ACOXL: variants seen among roughly 807,000 people sequenced by gnomAD.
The protein encoded by ACOXL is acyl-coenzyme A oxidase-like protein.
In ACOXL, 70 loss-of-function variants were observed where a neutral mutation model predicts 71.9. The ratio of observed to expected loss-of-function variants is 0.97; its 90% CI spans 0.80 to 1.19. The LOEUF is 1.19. Ranked by LOEUF, ACOXL falls within the 50% of genes most tolerant of loss-of-function variation. The pLI is 0.00. For missense variants in ACOXL, 703 were observed against 736.3 expected (o/e 0.95, Z 0.52); for synonymous variants, 253 against 281.6 (o/e 0.90, Z 1.02).
chr2:110,770,010 C>T (rs1421370953), intron 2 of ACOXL, among the ~76,000 whole-genome samples: 1 of 152,072 alleles, frequency 6.6e-6, no homozygotes, highest in Non-Finnish European at 1.5e-5. Context: ...CCACCGCACT[C>T]CAGCCTGGGC....
chr2:110,909,262 T>C (rs1045200275), intron 11 of ACOXL, among the ~76,000 whole-genome samples: 4 of 152,128 alleles, frequency 2.6e-5, no homozygotes, highest in Admixed American at 2.0e-4. Context: ...AGGTTCTAAT[T>C]TACAGTAAAG....
intron 16 of ACOXL, among the ~76,000 whole-genome samples, chr2:111,084,272 C>CACAT (rs1241202573): frequency 1.7e-5 from 2 of 120,164 alleles, no homozygotes; most frequent in East Asian, 4.5e-4. Flanking sequence ...CACACACACA[C>CACAT]ACACACACAC....
chr2:110,828,736 T>C (rs1375294601), intron 9 of ACOXL, among the ~76,000 whole-genome samples: 1 of 152,126 alleles, frequency 6.6e-6, no homozygotes, highest in African/African-American at 2.4e-5. Context: ...CACATGGTTA[T>C]TCAGTGGTGG....
Position 110,768,448 on chromosome 2 carries a change from G to A in ACOXL, c.59G>A (p.Arg20His), listed in dbSNP as rs756172185. ...KFAMDLPLLK[R>H]AGQDLAEKTK... ...GCCATGGACCTGCCTCTGTTAAAAC[G>A]TGCAGGTCAGGATCTGGTAAGTGTC... Residue 20 changes from arginine to histidine, a missense_variant, in exon 2 of 18, where the codon CGT becomes CAT. Transcript: ENST00000439055. 5.6e-6 allele frequency: 9 copies of A among 1,613,238 alleles called. No homozygotes were observed. The highest frequency in any genetic ancestry group is 1.6e-4 in the Middle Eastern group (1 of 6,084).
intron 10 of ACOXL, among the ~76,000 whole-genome samples, chr2:110,878,447 A>G (rs1353538780): frequency 6.6e-6 from 1 of 152,216 alleles, no homozygotes. Context: ...GCTTTAATGT[A>G]TGTTGAATTG....
At chr2:110,877,694 A>G (rs1168248658) in intron 10 of ACOXL, among the ~76,000 whole-genome samples, 1 of 152,160 alleles carries the variant, frequency 6.6e-6, no homozygotes, top group Non-Finnish European at 1.5e-5. Flanking sequence ...CCCTCTACTG[A>G]CATTGAGCCT....
At chr2:111,026,375 A>G (rs2065017099) in intron 14 of ACOXL, among the ~76,000 whole-genome samples, 1 of 152,146 alleles carries the variant, frequency 6.6e-6, no homozygotes, top group Admixed American at 6.5e-5. Context: ...GAGAAGTGAC[A>G]TCTTAGCAAT....
chr2:110,756,539 T>C (rs897586755), intron 1 of ACOXL, among the ~76,000 whole-genome samples: 7 of 152,258 alleles, frequency 4.6e-5, no homozygotes, highest in African/African-American at 1.7e-4. Flanking sequence ...ATTAAAATTA[T>C]GAAATAATTC....
rs181843894 is a variant in ACOXL, at chr2:111,058,593, T to G, written c.1440+9305T>G. 1.2e-3 allele frequency among the ~76,000 whole-genome samples: 188 copies of G among 152,326 alleles called. 1 individual carries two copies. Among genetic ancestry groups the G allele is most frequent in the African/African-American group, 4.5e-3 (187 of 41,574 alleles). ...CCTGCTTAACTCTTCCTCTTGCCCT[T>G]ACTAAATTTTAGCTGCTTTCTTTTT... On this transcript the variant is annotated intron_variant, in intron 16 of 17. Coordinates refer to ENST00000439055, the MANE Select transcript of ACOXL (RefSeq NM_001142807.4).
chr2:110,972,482 C>T (rs2062240597), intron 12 of ACOXL, among the ~76,000 whole-genome samples: 1 of 152,184 alleles, frequency 6.6e-6, no homozygotes, highest in Admixed American at 6.5e-5. Context: ...CAACGGTCCC[C>T]AGGGTCACCC....
chr2:110,908,952 C>G (rs2059555744), intron 11 of ACOXL, 47 bp downstream of exon 11: 1 of 1,376,258 alleles, frequency 7.3e-7, no homozygotes, highest in South Asian at 1.3e-5. Flanking sequence ...GTGTGATACC[C>G]TGGCATGAGT....
intron 10 of ACOXL, among the ~76,000 whole-genome samples, chr2:110,901,881 G>A (rs1394751326): frequency 6.6e-6 from 1 of 151,986 alleles, no homozygotes. Context: ...CAAAAAATTA[G>A]GCAGGTGTGG....
intron 14 of ACOXL, among the ~76,000 whole-genome samples, chr2:111,012,308 C>A (rs537230675): frequency 1.3e-5 from 2 of 152,094 alleles, no homozygotes; most frequent in Non-Finnish European, 2.9e-5. Context: ...TTAGACATAA[C>A]GTTATTGCAC....
chr2:110,763,412 G>A (rs1680653452), intron 1 of ACOXL, among the ~76,000 whole-genome samples: 1 of 152,158 alleles, frequency 6.6e-6, no homozygotes, highest in African/African-American at 2.4e-5. Context: ...TTTGACAAAG[G>A]AGCAAAAACA....
intron 12 of ACOXL, among the ~76,000 whole-genome samples, chr2:110,939,864 A>G (rs2060803615): frequency 6.6e-6 from 1 of 152,208 alleles, no homozygotes; most frequent in Admixed American, 6.5e-5. Context: ...TTGTTCTTCC[A>G]GTGTGGCCCA....
Position 110,740,415 on chromosome 2 carries a change from T to C in ACOXL, c.-23+7641T>C, listed in dbSNP as rs1677373041. Among the ~76,000 whole-genome samples the C allele has an allele frequency of 1.3e-5, 2 of 152,170 alleles. 1 individual carries two copies. Among genetic ancestry groups the C allele is most frequent in the South Asian group, 4.1e-4 (2 of 4,828 alleles). Reference sequence around the variant, plus strand: ...GGTGAGTGGTGAGGTGGGCCCTGGCTCCCAGGAGCTTCTGCAGCACATGAA... The same window carrying C: ...GGTGAGTGGTGAGGTGGGCCCTGGCCCCCAGGAGCTTCTGCAGCACATGAA... On this transcript the variant is annotated intron_variant, in intron 1 of 17. Coordinates refer to ENST00000439055, the MANE Select transcript of ACOXL (RefSeq NM_001142807.4).
At chr2:110,991,242 T>A (rs1354739715) in intron 13 of ACOXL, among the ~76,000 whole-genome samples, 1 of 152,218 alleles carries the variant, frequency 6.6e-6, no homozygotes, top group Non-Finnish European at 1.5e-5. Flanking sequence ...TTCTGCTAGA[T>A]CTGTAGTTGT....
At chr2:110,857,892 A>G (rs1038136075) in intron 10 of ACOXL, among the ~76,000 whole-genome samples, 3 of 151,756 alleles carry the variant, frequency 2.0e-5, no homozygotes, top group African/African-American at 4.8e-5. Context: ...CGCCCAGCTC[A>G]TTTTTGTATT....
intron 11 of ACOXL, among the ~76,000 whole-genome samples, chr2:110,928,787 G>C (rs898642703): frequency 6.6e-6 from 1 of 152,160 alleles, no homozygotes; most frequent in Non-Finnish European, 1.5e-5. Flanking sequence ...TCATGGGGCT[G>C]GTTTCCTCCA....
Sources: allele counts gnomAD v4.1 joint callset (sites outside exome capture counted in the v4.1 genomes callset), GRCh38; gene constraint gnomAD v4.1.1; transcripts MANE v1.5; gene names NCBI Gene and HGNC (gene_info 2026-07-23, HGNC 2026-07-21).